ROBO1: variants seen among roughly 807,000 people sequenced by gnomAD.
ROBO1 encodes the protein roundabout guidance receptor 1.
Under a neutral mutation model 195.9 loss-of-function variants are expected in ROBO1, and 149 were observed. The ratio of observed to expected loss-of-function variants is 0.76; its 90% CI spans 0.67 to 0.87. The LOEUF (loss-of-function observed/expected upper bound fraction) is 0.87, where lower values mean the gene tolerates loss of function less well. Among genes scored for constraint, ROBO1 ranks in the 40% least tolerant of loss-of-function variants. ROBO1 has a pLI of 0.00. For synonymous variants in ROBO1, 816 were observed against 733.2 expected (o/e 1.11, Z -1.82); for missense variants, 1,933 against 2,068.3 (o/e 0.93, Z 1.27).
chr3:78,604,290 C>G (rs1255928755), intron 29 of ROBO1, among the ~76,000 whole-genome samples: 3 of 152,054 alleles, frequency 2.0e-5, no homozygotes, highest in African/African-American at 7.2e-5. Context: ...AGGCTGGTCT[C>G]AAACTCCTGA....
Position 78,953,035 on chromosome 3 carries a change from T to A in ROBO1, c.173-14108A>T, listed in dbSNP as rs1459668869. Among the ~76,000 whole-genome samples the A allele has an allele frequency of 3.3e-5, 5 of 152,050 alleles. No individual in the cohort carries two copies. In the East Asian group the frequency reaches 9.6e-4, roughly 29 times the overall value. Reference sequence around the variant, plus strand: ...CCTAAAGAATCTAATATCGTATGGCTATGTCCCCAGAGATATGAAAAAGAT... The same window carrying A: ...CCTAAAGAATCTAATATCGTATGGCAATGTCCCCAGAGATATGAAAAAGAT... On this transcript the variant is annotated intron_variant, in intron 3 of 30. Coordinates refer to ENST00000464233, the MANE Select transcript of ROBO1 (RefSeq NM_002941.4).
intron 4 of ROBO1, among the ~76,000 whole-genome samples, chr3:78,902,851 A>AAAAAT (rs1553760959): frequency 6.6e-5 from 10 of 152,182 alleles, no homozygotes; most frequent in South Asian, 2.1e-4. Flanking sequence ...CCTCAAAAAT[A>AAAAAT]AAAATAAAAT....
At position 78,598,246 on chromosome 3, in the gene ROBO1, A is replaced by ACATTT. The variant is rs1323598616; in HGVS notation, c.*662_*666dup. 1 of 152,370 alleles carries ACATTT rather than the reference A, an allele frequency of 6.6e-6. No individual in the cohort carries two copies. The highest frequency in any genetic ancestry group is 1.5e-5 in the Non-Finnish European group (1 of 68,044). The allele number at this position is 152,370 out of a possible 1,614,324, so 9.4% of individuals were successfully genotyped here. On this transcript the variant is annotated 3_prime_UTR_variant, in exon 31 of 31. Coordinates refer to ENST00000464233, the MANE Select transcript of ROBO1 (RefSeq NM_002941.4). ...GGCTTAGCCCTACTTATCCAAAAGTACATTTCCAATAAGAATATACTTCAA... is the reference window on the plus strand; with the variant it reads ...GGCTTAGCCCTACTTATCCAAAAGTACATTTCATTTCCAATAAGAATATACTTCAA...
chr3:79,678,979 AT>A (rs932464157), intron 1 of ROBO1, among the ~76,000 whole-genome samples: 7 of 152,120 alleles, frequency 4.6e-5, no homozygotes, highest in South Asian at 2.1e-4. Flanking sequence ...AAGGTAATTA[AT>A]TTTTTTCTTT....
intron 1 of ROBO1, among the ~76,000 whole-genome samples, chr3:79,664,685 T>G (rs1946425217): frequency 6.6e-6 from 1 of 152,014 alleles, no homozygotes; most frequent in Non-Finnish European, 1.5e-5. Context: ...GAAGGCACGA[T>G]CCCATTCATT....
intron 2 of ROBO1, among the ~76,000 whole-genome samples, chr3:79,430,263 T>C (rs995388501): frequency 6.6e-6 from 1 of 152,122 alleles, no homozygotes; most frequent in Non-Finnish European, 1.5e-5. Context: ...TTTCAGAAAT[T>C]AAGTTCAATA....
intron 4 of ROBO1, among the ~76,000 whole-genome samples, chr3:78,862,046 T>A (rs1263290661): frequency 3.3e-5 from 5 of 152,118 alleles, no homozygotes; most frequent in African/African-American, 1.2e-4. Flanking sequence ...ACTTTGTAGA[T>A]GTAGTTAAGG....
chr3:79,664,371 A>G (rs189269995), intron 1 of ROBO1, among the ~76,000 whole-genome samples: 414 of 152,146 alleles, frequency 2.7e-3, no homozygotes, highest in African/African-American at 9.5e-3. Context: ...AAATTGTGTC[A>G]ACTACATATA....
chr3:79,527,519 C>G (rs1941481145), intron 2 of ROBO1, among the ~76,000 whole-genome samples: 1 of 151,824 alleles, frequency 6.6e-6, no homozygotes, highest in Non-Finnish European at 1.5e-5. Context: ...TCAGGATCTA[C>G]AACACTACTT....
chr3:79,438,330 A>G (rs563390978), intron 2 of ROBO1, among the ~76,000 whole-genome samples: 1 of 152,032 alleles, frequency 6.6e-6, no homozygotes, highest in South Asian at 2.1e-4. Context: ...TTATATTAAC[A>G]CTAACATCAT....
intron 4 of ROBO1, among the ~76,000 whole-genome samples, chr3:78,791,672 G>C (rs2084026085): frequency 6.6e-6 from 1 of 152,094 alleles, no homozygotes; most frequent in Non-Finnish European, 1.5e-5. Context: ...TACTGTCTGT[G>C]TGCTATTGAG....
intron 2 of ROBO1, among the ~76,000 whole-genome samples, chr3:79,312,485 G>C (rs1292974779): frequency 6.6e-6 from 1 of 152,164 alleles, no homozygotes; most frequent in Non-Finnish European, 1.5e-5. Context: ...GCTTAAGCAT[G>C]ATTTGTTGAA....
chr3:79,431,803 T>A lies in ROBO1; in HGVS notation c.88+158021A>T, dbSNP rs2038689931. Among the ~76,000 whole-genome samples, 3 of 152,282 alleles carry A rather than the reference T, an allele frequency of 2.0e-5. No homozygotes were observed. The South Asian group carries it at 6.2e-4, about 32-fold the overall frequency. On this transcript the variant is annotated intron_variant, in intron 2 of 30. Coordinates refer to ENST00000464233, the MANE Select transcript of ROBO1 (RefSeq NM_002941.4). ...AAATAATTTGACATTTTTATGTCAG[T>A]GAATTGAAAATGTCTGAATCCTTTA...
At chr3:79,047,620 G>A (rs2078618828) in intron 3 of ROBO1, among the ~76,000 whole-genome samples, 1 of 152,094 alleles carries the variant, frequency 6.6e-6, no homozygotes, top group South Asian at 2.1e-4. Flanking sequence ...AAATCACTAC[G>A]TTTTGGGGTA....
At chr3:79,741,728 G>C (rs1468118856) in intron 1 of ROBO1, among the ~76,000 whole-genome samples, 1 of 152,142 alleles carries the variant, frequency 6.6e-6, no homozygotes, top group Non-Finnish European at 1.5e-5. Context: ...ATGAAGATGA[G>C]AGAGAGTTTG....
At chr3:79,320,478 C>T (rs1488588319) in intron 2 of ROBO1, among the ~76,000 whole-genome samples, 3 of 152,098 alleles carry the variant, frequency 2.0e-5, no homozygotes, top group Non-Finnish European at 4.4e-5. Context: ...CAGGTGTGTA[C>T]CATCATGCCC....
Position 79,379,233 on chromosome 3 carries a change from T to C in ROBO1, c.88+210591A>G, listed in dbSNP as rs150449566. Among the ~76,000 whole-genome samples, 1,153 of 152,324 alleles carry C rather than the reference T, an allele frequency of 7.6e-3. 23 individuals carry two copies. The highest frequency in any genetic ancestry group is 0.025 in the African/African-American group (1,034 of 41,578). On this transcript the variant is annotated intron_variant, in intron 2 of 30. Transcript: ENST00000464233. ...TGACTGTGGTAGTTATTGCTCTCGA[T>C]TACGTTTCATGCTCTCTCGATGAAA...
intron 3 of ROBO1, among the ~76,000 whole-genome samples, chr3:79,124,681 A>G (rs17393779): frequency 0.027 from 4,067 of 152,262 alleles, 144 homozygotes; most frequent in Admixed American, 0.11. Flanking sequence ...CTGATCTTAC[A>G]ACAAGACCAC....
intron 4 of ROBO1, among the ~76,000 whole-genome samples, chr3:78,845,874 A>T (rs1162590062): frequency 1.3e-5 from 2 of 152,190 alleles, no homozygotes; most frequent in African/African-American, 4.8e-5. Flanking sequence ...AATCATTTTT[A>T]AAAACAATGT....
Sources: gnomAD v4.1 joint callset for allele counts (sites outside exome capture counted in the v4.1 genomes callset) on GRCh38, gnomAD v4.1.1 for gene constraint, MANE v1.5 for transcripts, NCBI Gene and HGNC (gene_info 2026-07-23, HGNC 2026-07-21) for gene names.